The following ANO6 variants were observed in gnomAD, a reference collection of about 807,000 sequenced individuals.
ANO6 encodes anoctamin 6.
A neutral mutation model predicts 117.5 loss-of-function variants in ANO6; 106 were observed. The ratio of observed to expected loss-of-function variants is 0.90; its 90% CI spans 0.77 to 1.06. ANO6 has a LOEUF of 1.06. Ranked by LOEUF, ANO6 falls within the 50% of genes least tolerant of loss-of-function variation. The pLI, the probability that ANO6 is intolerant of heterozygous loss-of-function variation, is 0.00. For synonymous variants in ANO6, 367 were observed against 385.1 expected (o/e 0.95, Z 0.55); for missense variants, 955 against 1,121.1 (o/e 0.85, Z 2.12).
intron 2 of ANO6, among the ~76,000 whole-genome samples, chr12:45,302,939 GAT>G (rs926097486): frequency 6.6e-6 from 1 of 152,052 alleles, no homozygotes; most frequent in Admixed American, 6.6e-5. Flanking sequence ...TTTTCAATGT[GAT>G]ATACAATCAC....
chr12:45,353,602 G>GC (rs1398719401), intron 7 of ANO6, among the ~76,000 whole-genome samples: 1 of 152,118 alleles, frequency 6.6e-6, no homozygotes, highest in African/African-American at 2.4e-5. Context: ...AACCCCTTGA[G>GC]CATTCAGGCT....
At chr12:45,256,478 A>G (rs533263249) in intron 1 of ANO6, 2 of 152,156 alleles carry the variant, frequency 1.3e-5, no homozygotes, top group Non-Finnish European at 2.9e-5. Flanking sequence ...TGCTGCTCAT[A>G]TATAGATCAG....
At chr12:45,230,095 G>A (rs61679354) in intron 1 of ANO6, among the ~76,000 whole-genome samples, 1,580 of 151,974 alleles carry the variant, frequency 0.01, 31 homozygotes, top group African/African-American at 0.036. Flanking sequence ...TAGAGATTTC[G>A]CCTTTCCCCC....
intron 9 of ANO6, among the ~76,000 whole-genome samples, chr12:45,377,375 A>G (rs1052165719): frequency 6.6e-6 from 1 of 152,212 alleles, no homozygotes; most frequent in Non-Finnish European, 1.5e-5. Flanking sequence ...ACTTAGCAGA[A>G]CTAGTAAATA....
At chr12:45,314,445 C>CAA (rs35897974) in intron 2 of ANO6, among the ~76,000 whole-genome samples, 7,758 of 144,162 alleles carry the variant, frequency 0.054, 513 homozygotes, top group East Asian at 0.35. Flanking sequence ...CTTATCTCTA[C>CAA]AAAAAAAAAA....
intron 6 of ANO6, 53 bp from the exon 7 acceptor site, chr12:45,350,606 A>G (rs1941253177): frequency 7.1e-7 from 1 of 1,403,788 alleles, no homozygotes; most frequent in African/African-American, 1.4e-5. Context: ...TAAGAAGCAG[A>G]TTTGTGAAAA....
chr12:45,343,989 T>C (rs1329413111), intron 3 of ANO6, among the ~76,000 whole-genome samples: 3 of 152,164 alleles, frequency 2.0e-5, no homozygotes, highest in African/African-American at 4.8e-5. Context: ...TGCCAGTAGC[T>C]GAATTTCATG....
At chr12:45,405,359 C>A (rs1425678954) in intron 15 of ANO6, among the ~76,000 whole-genome samples, 1 of 152,164 alleles carries the variant, frequency 6.6e-6, no homozygotes, top group Non-Finnish European at 1.5e-5. Flanking sequence ...TTGAGAAATT[C>A]ATATGAAATG....
intron 1 of ANO6, among the ~76,000 whole-genome samples, chr12:45,250,603 G>A (rs866373116): frequency 2.0e-5 from 3 of 151,782 alleles, no homozygotes; most frequent in African/African-American, 7.3e-5. Flanking sequence ...TCGTCTTGCT[G>A]TGTTGCCTAG....
intron 1 of ANO6, among the ~76,000 whole-genome samples, chr12:45,287,376 A>T (rs117845116): frequency 6.6e-6 from 1 of 152,124 alleles, no homozygotes; most frequent in East Asian, 1.9e-4. Context: ...TAACTTCTCC[A>T]TGCCTCTTCA....
Position 45,331,219 on chromosome 12 carries a change from C to T in ANO6, c.151-76C>T, listed in dbSNP as rs1285814822. On this transcript the variant is annotated intron_variant, in intron 2 of 19. Transcript: ENST00000320560. ...CTCTTTCACAATAAACCTATTAAAGCTTGAAAATTAACACTTATAAGTCAG... is the reference window on the plus strand; with the variant it reads ...CTCTTTCACAATAAACCTATTAAAGTTTGAAAATTAACACTTATAAGTCAG... 18 of 1,330,730 alleles carry T rather than the reference C, an allele frequency of 1.4e-5. No individual in the cohort carries two copies. In the East Asian group the frequency reaches 4.4e-4, roughly 33 times the overall value. 82.4% of individuals were successfully genotyped at this position (1,330,730 alleles called of 1,614,324 possible).
intron 1 of ANO6, among the ~76,000 whole-genome samples, chr12:45,294,897 C>T (rs753835003): frequency 1.7e-4 from 26 of 152,108 alleles, no homozygotes; most frequent in Non-Finnish European, 3.1e-4. Context: ...GATGATAAAA[C>T]GTATTAAAAA....
chr12:45,403,719 C>T (rs1402400908), intron 15 of ANO6, among the ~76,000 whole-genome samples, 183 bp downstream of exon 15: 1 of 152,130 alleles, frequency 6.6e-6, no homozygotes, highest in Non-Finnish European at 1.5e-5. Context: ...CAAATGTATC[C>T]AGGATCTAAT....
chr12:45,245,442 G>A (rs1271868348), intron 1 of ANO6, among the ~76,000 whole-genome samples: 1 of 148,112 alleles, frequency 6.8e-6, no homozygotes, highest in East Asian at 1.9e-4. Flanking sequence ...TTTTTTGTGG[G>A]GAGACCCTCA....
At chr12:45,307,745 G>A (rs1386964313) in intron 2 of ANO6, among the ~76,000 whole-genome samples, 1 of 152,088 alleles carries the variant, frequency 6.6e-6, no homozygotes, top group South Asian at 2.1e-4. Context: ...TACAGGTCAC[G>A]GAGATGAGGA....
intron 16 of ANO6, among the ~76,000 whole-genome samples, chr12:45,413,657 T>C (rs1943143493): frequency 6.6e-6 from 1 of 151,916 alleles, no homozygotes; most frequent in South Asian, 2.1e-4. Context: ...AGCAGAGCAG[T>C]GGGAAGAAGT....
At chr12:45,355,090 G>T (rs957845669) in intron 7 of ANO6, among the ~76,000 whole-genome samples, 2 of 152,114 alleles carry the variant, frequency 1.3e-5, no homozygotes, top group Non-Finnish European at 2.9e-5. Context: ...AATAGGGGAG[G>T]GGGTAGGGGA....
chr12:45,249,258 A>T (rs889691701), intron 1 of ANO6, among the ~76,000 whole-genome samples: 1 of 152,336 alleles, frequency 6.6e-6, no homozygotes, highest in East Asian at 1.9e-4. Context: ...TGAAAAAACT[A>T]TTATCTAGGA....
chr12:45,317,390 C>A (rs535867310), intron 2 of ANO6, among the ~76,000 whole-genome samples: 9 of 148,596 alleles, frequency 6.1e-5, no homozygotes, highest in Admixed American at 2.0e-4. Flanking sequence ...TTTGTCCTTG[C>A]GATAGTTTGC....
Sources: allele counts gnomAD v4.1 joint callset (sites outside exome capture counted in the v4.1 genomes callset), GRCh38; gene constraint gnomAD v4.1.1; transcripts MANE v1.5; gene names NCBI Gene and HGNC (gene_info 2026-07-23, HGNC 2026-07-21).